Variants in TNKS observed in about 807,000 individuals in gnomAD.
TNKS encodes the protein tankyrase, also known as poly [ADP-ribose] polymerase tankyrase-1.
TNKS carries 72 observed loss-of-function variants against 135.8 expected under a neutral mutation model. The observed-to-expected ratio is 0.53, with a 90% CI of 0.44 to 0.64. The LOEUF is 0.64. Among genes scored for constraint, TNKS ranks in the 30% least tolerant of loss-of-function variants. The pLI, the probability that TNKS is intolerant of heterozygous loss-of-function variation, is 0.00. For missense variants in TNKS, 1,769 were observed against 1,674.0 expected (o/e 1.06, Z -0.99); for synonymous variants, 849 against 649.3 (o/e 1.31, Z -4.68).
intron 25 of TNKS, among the ~76,000 whole-genome samples, chr8:9,768,124 C>T (rs1007058727): frequency 1.1e-4 from 16 of 151,998 alleles, no homozygotes; most frequent in East Asian, 3.9e-4. Context: ...AATTAACAGT[C>T]GCTCATTAAA....
intron 3 of TNKS, among the ~76,000 whole-genome samples, chr8:9,673,737 C>T (rs1802412112): frequency 6.6e-6 from 1 of 152,070 alleles, no homozygotes; most frequent in Non-Finnish European, 1.5e-5. Flanking sequence ...GCCACCGCAC[C>T]CGGCCTGGAA....
At chr8:9,638,516 T>G (rs1800602461) in intron 3 of TNKS, among the ~76,000 whole-genome samples, 1 of 152,214 alleles carries the variant, frequency 6.6e-6, no homozygotes, top group Non-Finnish European at 1.5e-5. Context: ...TACCTACTTT[T>G]TTTCTAGATC....
At chr8:9,730,416 G>C (rs745800382) in intron 13 of TNKS, among the ~76,000 whole-genome samples, 3 of 152,166 alleles carry the variant, frequency 2.0e-5, no homozygotes, top group Non-Finnish European at 4.4e-5. Flanking sequence ...GACCCAGGGA[G>C]TGGCCCAGGC....
At chr8:9,671,957 T>G (rs1165709091) in intron 3 of TNKS, among the ~76,000 whole-genome samples, 3 of 152,236 alleles carry the variant, frequency 2.0e-5, no homozygotes, top group African/African-American at 7.2e-5. Context: ...TGCTGTATTC[T>G]GCCCAGGGCG....
chr8:9,710,104 G>C, intron 10 of TNKS, 38 bp from the exon 11 acceptor site: 2 of 1,611,096 alleles, frequency 1.2e-6, no homozygotes, highest in Non-Finnish European at 1.7e-6. Flanking sequence ...CAATAAAAGA[G>C]AGACAATTAC....
chr8:9,757,713 C>G (rs1014186587), intron 20 of TNKS, among the ~76,000 whole-genome samples: 2 of 152,332 alleles, frequency 1.3e-5, no homozygotes, highest in African/African-American at 4.8e-5. Flanking sequence ...GGTTAGCACT[C>G]TGTTTCATGG....
At chr8:9,606,789 G>A (rs1799237550) in intron 2 of TNKS, among the ~76,000 whole-genome samples, 1 of 152,014 alleles carries the variant, frequency 6.6e-6, no homozygotes, top group Non-Finnish European at 1.5e-5. Context: ...ACTCTGTGAT[G>A]TTTATTATCT....
chr8:9,728,199 G>A (rs1197192526), intron 13 of TNKS, among the ~76,000 whole-genome samples: 2 of 152,158 alleles, frequency 1.3e-5, no homozygotes, highest in African/African-American at 4.8e-5. Flanking sequence ...TGGAATGGAA[G>A]TAGCAAAAGA....
chr8:9,640,406 A>T (rs1800683428), intron 3 of TNKS, among the ~76,000 whole-genome samples: 1 of 141,366 alleles, frequency 7.1e-6, no homozygotes. Context: ...GATTTTTAAC[A>T]TATGAACTTT....
At chr8:9,767,892 G>A (rs548824225) in intron 25 of TNKS, among the ~76,000 whole-genome samples, 64 of 150,500 alleles carry the variant, frequency 4.3e-4, no homozygotes, top group Non-Finnish European at 6.2e-4. Flanking sequence ...CCAGGAGGCG[G>A]AGGTTGCAGT....
intron 3 of TNKS, among the ~76,000 whole-genome samples, chr8:9,674,215 A>G (rs569424416): frequency 4.9e-4 from 74 of 152,206 alleles, no homozygotes; most frequent in Non-Finnish European, 8.5e-4. Flanking sequence ...AACTTTAGAA[A>G]TCGTTTAACC....
At chr8:9,620,081 C>A (rs1799809210) in intron 3 of TNKS, among the ~76,000 whole-genome samples, 1 of 152,016 alleles carries the variant, frequency 6.6e-6, no homozygotes, top group African/African-American at 2.4e-5. Context: ...TGCCAAGTAG[C>A]TGGGACTATA....
intron 3 of TNKS, among the ~76,000 whole-genome samples, chr8:9,662,740 T>TATA (rs552890151): frequency 3.0e-4 from 45 of 152,108 alleles, no homozygotes; most frequent in Non-Finnish European, 5.6e-4. Context: ...AAACCTAAAG[T>TATA]ATAATAATAA....
intron 3 of TNKS, among the ~76,000 whole-genome samples, chr8:9,629,404 A>G (rs1800196128): frequency 6.6e-6 from 1 of 152,226 alleles, no homozygotes; most frequent in African/African-American, 2.4e-5. Context: ...AAAAATGTTA[A>G]CTAGTTTATT....
At chr8:9,598,765 G>GTGTATATATA (rs1449352201) in intron 2 of TNKS, among the ~76,000 whole-genome samples, 4 of 49,620 alleles carry the variant, frequency 8.1e-5, no homozygotes, top group Non-Finnish European at 1.5e-4. Flanking sequence ...ATGTGTGTGT[G>GTGTATATATA]TATATATATA....
intron 1 of TNKS, among the ~76,000 whole-genome samples, chr8:9,579,128 A>C (rs1040950666): frequency 6.6e-6 from 1 of 151,610 alleles, no homozygotes; most frequent in Non-Finnish European, 1.5e-5. Flanking sequence ...CTCCCCCTAA[A>C]CCCCCATTTT....
intron 1 of TNKS, among the ~76,000 whole-genome samples, chr8:9,567,562 C>G: frequency 6.6e-6 from 1 of 152,146 alleles, no homozygotes. Context: ...ACTACAGGCG[C>G]CCGCCACCAC....
rs141516749 is a variant in TNKS at position 9,677,409 on chromosome 8, G to C, written c.995-2542G>C. 4.6e-5 allele frequency among the ~76,000 whole-genome samples: 7 copies of C among 152,286 alleles called. No individual in the cohort carries two copies. In the East Asian group the frequency reaches 1.4e-3, roughly 29 times the overall value. ...GCTTGATGAGAAGTTCAGGTAGGGAGAGACTGATTTGAACTTTGAGGTTCC... is the reference window on the plus strand; with the variant it reads ...GCTTGATGAGAAGTTCAGGTAGGGACAGACTGATTTGAACTTTGAGGTTCC... On this transcript the variant is annotated intron_variant, in intron 3 of 26. Coordinates refer to ENST00000310430, the MANE Select transcript of TNKS (RefSeq NM_003747.3).
intron 25 of TNKS, among the ~76,000 whole-genome samples, chr8:9,769,162 G>T (rs1368474942): frequency 6.6e-6 from 1 of 152,202 alleles, no homozygotes; most frequent in African/African-American, 2.4e-5. Flanking sequence ...TGCCCTTGTA[G>T]CGCAAAAGCA....
Sources: gnomAD v4.1 joint callset for allele counts (sites outside exome capture counted in the v4.1 genomes callset) on GRCh38, gnomAD v4.1.1 for gene constraint, MANE v1.5 for transcripts, NCBI Gene and HGNC (gene_info 2026-07-23, HGNC 2026-07-21) for gene names.